The following SYNE2 variants were observed in gnomAD, a reference collection of about 807,000 sequenced individuals.
The protein encoded by SYNE2 is spectrin repeat containing nuclear envelope protein 2.
A neutral mutation model predicts 856.3 loss-of-function variants in SYNE2; 431 were observed. The observed-to-expected ratio is 0.50, with a 90% confidence interval of 0.47 to 0.55. The LOEUF is 0.55. Among genes scored for constraint, SYNE2 ranks in the 20% least tolerant of loss-of-function variants. The probability of loss-of-function intolerance (pLI) is 0.00; values close to 1 mark genes in which losing one functional copy is unlikely to be tolerated. For missense variants in SYNE2, 8,129 were observed against 8,023.2 expected (o/e 1.01, Z -0.50); for synonymous variants, 2,923 against 2,872.3 (o/e 1.02, Z -0.56).
chr14:64,058,777 A>G (rs941751442), intron 49 of SYNE2, among the ~76,000 whole-genome samples: 23 of 152,322 alleles, frequency 1.5e-4, no homozygotes, highest in African/African-American at 5.5e-4. Flanking sequence ...CACCACATCC[A>G]GCCTAATAAC....
rs562384258 is a variant in SYNE2, at chr14:64,158,826, T to C, written c.15963+31T>C. On this transcript the variant is annotated intron_variant, in intron 86 of 115. Transcript: ENST00000555002. ...TTAACCAGAGCTTGGCATGGTGCAT[T>C]ATTGGCAGGAAATTACAAATGGGAG... The C allele has an allele frequency of 1.9e-6, 3 of 1,612,220 alleles. No individual in the cohort carries two copies. In the African/African-American group the frequency reaches 4.0e-5, roughly 22 times the overall value.
At chr14:64,182,261 C>T (rs899892810) in intron 96 of SYNE2, among the ~76,000 whole-genome samples, 4 of 152,142 alleles carry the variant, frequency 2.6e-5, no homozygotes, top group Admixed American at 6.5e-5. Flanking sequence ...TGGAAATTTT[C>T]AGGTATTCTT....
chr14:63,868,164 T>TC (rs1235744583), intron 1 of SYNE2, among the ~76,000 whole-genome samples: 1 of 152,224 alleles, frequency 6.6e-6, no homozygotes, highest in African/African-American at 2.4e-5. Flanking sequence ...CACAAGGTCT[T>TC]TAAATTATAA....
chr14:63,840,838 C>A (rs958377038), intron 1 of SYNE2, among the ~76,000 whole-genome samples: 3 of 151,910 alleles, frequency 2.0e-5, no homozygotes, highest in Non-Finnish European at 4.4e-5. Context: ...CATGGAGAAA[C>A]CCCATCTCTA....
chr14:64,013,379 G>A lies in SYNE2; in HGVS notation c.4729-3094G>A, dbSNP rs141054082. 4.7e-3 allele frequency among the ~76,000 whole-genome samples: 682 copies of A among 143,790 alleles called. 20 individuals are homozygous for A. Among genetic ancestry groups the A allele is most frequent in the Admixed American group, 0.043 (598 of 14,052 alleles). The allele number at this position is 143,790 out of a possible 152,430, so 94.3% of individuals were successfully genotyped here. A position where few individuals can be genotyped will look rare whatever the true frequency, so the allele number is the denominator to read the frequency against. On this transcript the variant is annotated intron_variant, in intron 32 of 115. Coordinates refer to ENST00000555002, the MANE Select transcript of SYNE2 (RefSeq NM_182914.3). ...TTACAAGTGCAAATTTCTTATATGC[G>A]TATATTGTGTAATGGTGGAGTCTGG...
intron 113 of SYNE2, among the ~76,000 whole-genome samples, chr14:64,224,181 CAAAAAAAAA>C (rs35804232): frequency 1.3e-5 from 1 of 74,748 alleles, no homozygotes; most frequent in Non-Finnish European, 2.5e-5. Flanking sequence ...CCCGTCTCTG[CAAAAAAAAA>C]AAAAAAAAAA....
At chr14:63,879,490 G>T (rs987870005) in intron 1 of SYNE2, among the ~76,000 whole-genome samples, 1 of 152,222 alleles carries the variant, frequency 6.6e-6, no homozygotes, top group Non-Finnish European at 1.5e-5. Context: ...TAAATAGTGT[G>T]TAGCTGTTCA....
chr14:64,021,574 G>A (rs1166134959), intron 36 of SYNE2, 59 bp downstream of exon 36: 2 of 1,587,828 alleles, frequency 1.3e-6, no homozygotes, highest in Non-Finnish European at 1.7e-6. Context: ...ATTTGCAGTT[G>A]TCTTGAGCTC....
At chr14:63,827,164 G>T (rs1338749651) in intron 1 of SYNE2, among the ~76,000 whole-genome samples, 2 of 151,732 alleles carry the variant, frequency 1.3e-5, no homozygotes, top group Non-Finnish European at 2.9e-5. Context: ...TGGAATCCCA[G>T]CTACTTGGGA....
At chr14:64,053,756 C>T (rs2097246424) in intron 48 of SYNE2, 99 bp downstream of exon 48, 2 of 1,183,214 alleles carry the variant, frequency 1.7e-6, no homozygotes, top group South Asian at 3.0e-5. Context: ...CACTTGAGGC[C>T]AAGTAGAGAC....
chr14:63,856,863 C>G (rs2140078568), intron 1 of SYNE2, among the ~76,000 whole-genome samples: 1 of 152,266 alleles, frequency 6.6e-6, no homozygotes, highest in South Asian at 2.1e-4. Flanking sequence ...CCTCTACCTC[C>G]TGGGCCCAAG....
At chr14:63,959,287 C>CTTTTTTTTTT (rs34198434) in intron 8 of SYNE2, among the ~76,000 whole-genome samples, 12 of 81,376 alleles carry the variant, frequency 1.5e-4, no homozygotes, top group East Asian at 3.6e-4. Context: ...TTTTCTTCTT[C>CTTTTTTTTTT]TTTTTTTTTT....
chr14:63,939,414 C>A (rs2095875344), intron 2 of SYNE2, among the ~76,000 whole-genome samples: 1 of 145,708 alleles, frequency 6.9e-6, no homozygotes, highest in Admixed American at 6.9e-5. Flanking sequence ...GTGTCACAAT[C>A]TCAGCTCACT....
intron 100 of SYNE2, among the ~76,000 whole-genome samples, chr14:64,205,261 T>C (rs2098599835): frequency 6.6e-6 from 1 of 152,186 alleles, no homozygotes; most frequent in Non-Finnish European, 1.5e-5. Context: ...CCACAGATGA[T>C]CTCAGGATAC....
At chr14:63,788,468 T>C (rs1199771832) in intron 1 of SYNE2, among the ~76,000 whole-genome samples, 1 of 152,142 alleles carries the variant, frequency 6.6e-6, no homozygotes, top group Non-Finnish European at 1.5e-5. Context: ...GGATCCTGCC[T>C]GCTCCCGGCC....
At chr14:64,048,391 A>G in intron 46 of SYNE2, 1 of 339,774 alleles carries the variant, frequency 2.9e-6, no homozygotes, top group East Asian at 5.1e-5. Context: ...CAAAGTTCCT[A>G]AAGACTTAGT....
Position 64,141,337 on chromosome 14 carries a change from T to C in SYNE2, c.14977-4T>C, listed in dbSNP as rs1458385430. On this transcript the variant is annotated splice_region_variant and splice_polypyrimidine_tract_variant and intron_variant, in intron 80 of 115. Coordinates refer to ENST00000555002, the MANE Select transcript of SYNE2 (RefSeq NM_182914.3). Reference sequence around the variant, plus strand: ...AGTTTCTAAATTTTAAAACTCTCCTTTAGGAGTTTTCAAAAGAAGTTGATG... The same window carrying C: ...AGTTTCTAAATTTTAAAACTCTCCTCTAGGAGTTTTCAAAAGAAGTTGATG... 6.2e-7 allele frequency: 1 copy of C among 1,612,144 alleles called. No individual in the cohort carries two copies. Among genetic ancestry groups the C allele is most frequent in the Non-Finnish European group, 8.5e-7 (1 of 1,179,110 alleles).
chr14:64,073,300 C>T (rs1473265238), intron 52 of SYNE2, among the ~76,000 whole-genome samples: 1 of 152,050 alleles, frequency 6.6e-6, no homozygotes, highest in Non-Finnish European at 1.5e-5. Flanking sequence ...CTAGAGTTGC[C>T]TTCTTAGAAC....
intron 1 of SYNE2, among the ~76,000 whole-genome samples, chr14:63,853,526 C>T (rs1890927297): frequency 6.6e-6 from 1 of 151,556 alleles, no homozygotes; most frequent in Non-Finnish European, 1.5e-5. Context: ...CTCCCGGGCC[C>T]AGGCCCCGGC....
Sources: gnomAD v4.1 joint callset for allele counts (sites outside exome capture counted in the v4.1 genomes callset) on GRCh38, gnomAD v4.1.1 for gene constraint, MANE v1.5 for transcripts, NCBI Gene and HGNC (gene_info 2026-07-23, HGNC 2026-07-21) for gene names.